Variants in PSIP1 observed in about 807,000 individuals in gnomAD.
PSIP1 encodes the protein PC4 and SFRS1-interacting protein.
In PSIP1, 19 loss-of-function variants were observed where a neutral mutation model predicts 74.7. The ratio of observed to expected loss-of-function variants is 0.25; its 90% CI spans 0.18 to 0.37. The LOEUF (loss-of-function observed/expected upper bound fraction) is 0.37. Among genes scored for constraint, PSIP1 ranks in the 10% least tolerant of loss-of-function variants. PSIP1 has a pLI of 1.00. For synonymous variants in PSIP1, 222 were observed against 195.3 expected, an observed-to-expected ratio of 1.14 and a Z score of -1.14; for missense variants, 601 against 614.3, an observed-to-expected ratio of 0.98 and a Z score of 0.23.
chr9:15,481,346 C>T (rs181373046), intron 6 of PSIP1, among the ~76,000 whole-genome samples: 1 of 152,314 alleles, frequency 6.6e-6, no homozygotes, highest in African/African-American at 2.4e-5. Context: ...GCAAAGAAGA[C>T]TCTCTCCACT....
chr9:15,465,522 A>C lies in PSIP1; in HGVS notation c.1591T>G (p.Ter531GluextTer7). 3 of 1,556,502 alleles carry C rather than the reference A, an allele frequency of 1.9e-6. No homozygotes were observed. In the South Asian group the frequency reaches 3.4e-5, roughly 18 times the overall value. Residue 531 changes from the stop codon to glutamate, a stop_lost, in exon 16 of 16, where the codon TAG becomes GAG. Transcript: ENST00000380733. ...CTCTATATTCCAGGTATGTCAACCT[A>C]GTTATCTAGTGTAGAATCCTTCAGA... is the stretch of plus-strand genomic sequence containing the variant. The part of the protein sequence containing the change: ...ISLKDSTLDN[*>E]
In PSIP1 at chr9:15,506,549, A is replaced by G. The variant is rs1464671326; in HGVS notation, c.149+12T>C. On this transcript the variant is annotated intron_variant, in intron 3 of 15. Transcript: ENST00000380733. Reference sequence around the variant, plus strand: ...TTAGCTCTGATTTGCCTTTAAAGCTAACAGGACTTACGTCTCATGAGTTCC... The same window carrying G: ...TTAGCTCTGATTTGCCTTTAAAGCTGACAGGACTTACGTCTCATGAGTTCC... The G allele has an allele frequency of 1.3e-6, 2 of 1,586,156 alleles. No individual in the cohort carries two copies. Among genetic ancestry groups the G allele is most frequent in the Non-Finnish European group, 1.7e-6 (2 of 1,155,394 alleles).
chr9:15,497,533 T>C (rs1447573680), intron 3 of PSIP1, among the ~76,000 whole-genome samples: 1 of 151,872 alleles, frequency 6.6e-6, no homozygotes, highest in African/African-American at 2.4e-5. Flanking sequence ...CACCATGTTG[T>C]CCAGGCTGGT....
Position 15,465,559 on chromosome 9 carries a change from C to T in PSIP1, c.1554G>A (p.Glu518=), listed in dbSNP as rs755087616. 1 of 1,580,742 alleles carries T rather than the reference C, an allele frequency of 6.3e-7. No homozygotes were observed. Among genetic ancestry groups the T allele is most frequent in the Non-Finnish European group, 8.7e-7 (1 of 1,154,034 alleles). Residue 518 remains glutamate, a synonymous_variant, in exon 16 of 16, where the codon GAG becomes GAA. Coordinates refer to ENST00000380733, the MANE Select transcript of PSIP1 (RefSeq NM_033222.5). Reference sequence around the variant, plus strand: ...TAGAATCCTTCAGAGATATTTCAGTCTCTCTCTCTTCACTGGATGGCCTGA... The same window carrying T: ...TAGAATCCTTCAGAGATATTTCAGTTTCTCTCTCTTCACTGGATGGCCTGA... The part of the protein sequence containing the change: ...TKKKPSSEER[E]TEISLKDSTL...
intron 3 of PSIP1, among the ~76,000 whole-genome samples, chr9:15,492,387 ATCTCCTTTGACTGCATG>A (rs2036871710): frequency 6.6e-6 from 1 of 152,222 alleles, no homozygotes; most frequent in Admixed American, 6.5e-5. Flanking sequence ...TTCCAAAATG[ATCTCCTTTGACTGCATG>A]TCTCAAATTC....
chr9:15,476,520 G>GT (rs2036086683), intron 8 of PSIP1, among the ~76,000 whole-genome samples: 2 of 152,266 alleles, frequency 1.3e-5, no homozygotes, highest in Admixed American at 1.3e-4. Context: ...TTCAAGTGAG[G>GT]ATGTAGGACT....
chr9:15,488,696 C>T (rs2036668290), intron 4 of PSIP1, among the ~76,000 whole-genome samples: 1 of 152,088 alleles, frequency 6.6e-6, no homozygotes, highest in Non-Finnish European at 1.5e-5. Context: ...ACCATCCTGG[C>T]TAACAAGGTG....
At position 15,465,217 on chromosome 9, in the gene PSIP1, A is replaced by C; in HGVS notation, c.*303T>G. 1 of 287,030 alleles carries C rather than the reference A, an allele frequency of 3.5e-6. No homozygotes were observed. The highest frequency in any genetic ancestry group is 5.2e-5 in the Admixed American group (1 of 19,152). 17.8% of individuals were successfully genotyped at this position (287,030 alleles called of 1,614,324 possible). A position where few individuals can be genotyped will look rare whatever the true frequency, so the allele number is the denominator to read the frequency against. ...TTTAAAAATGTAACTTTGTTCTACT[A>C]TCAATTACACATTAACATACACACA... On this transcript the variant is annotated 3_prime_UTR_variant, in exon 16 of 16. Transcript: ENST00000380733.
At chr9:15,480,555 G>A (rs1362601697) in intron 6 of PSIP1, among the ~76,000 whole-genome samples, 1 of 152,192 alleles carries the variant, frequency 6.6e-6, no homozygotes, top group African/African-American at 2.4e-5. Flanking sequence ...TGATCAATAA[G>A]CTGGTATCAA....
intron 4 of PSIP1, among the ~76,000 whole-genome samples, chr9:15,488,649 A>G (rs1249377106): frequency 6.6e-6 from 1 of 152,070 alleles, no homozygotes; most frequent in African/African-American, 2.4e-5. Context: ...CACTTTGGGA[A>G]GCCGAGGTGG....
In PSIP1 at chr9:15,486,071, A is replaced by G. The variant is rs2036546007; in HGVS notation, c.394-3T>C. ...ATGTCAACTGCTTTAGTCACATCCTAAAAAAGAAAAAAGAAAACTGAATAC... is the reference window on the plus strand; with the variant it reads ...ATGTCAACTGCTTTAGTCACATCCTGAAAAAGAAAAAAGAAAACTGAATAC... On this transcript the variant is annotated splice_polypyrimidine_tract_variant and splice_region_variant and intron_variant, in intron 5 of 15. Transcript: ENST00000380733. The G allele has an allele frequency of 6.3e-7, 1 of 1,578,156 alleles. No individual in the cohort carries two copies. The highest frequency in any genetic ancestry group is 1.4e-5 in the African/African-American group (1 of 73,606).
chr9:15,492,428 G>C (rs557581159), intron 3 of PSIP1, among the ~76,000 whole-genome samples: 23 of 152,340 alleles, frequency 1.5e-4, no homozygotes, highest in African/African-American at 4.1e-4. Context: ...TCATGCAAAT[G>C]CAAGAGGTGA....
At chr9:15,474,538 G>T (rs1422569339) in intron 8 of PSIP1, among the ~76,000 whole-genome samples, 1 of 152,078 alleles carries the variant, frequency 6.6e-6, no homozygotes, top group Non-Finnish European at 1.5e-5. Flanking sequence ...AATCAAATAC[G>T]GTCGTTTTAG....
intron 9 of PSIP1, 115 bp from the exon 10 acceptor site, chr9:15,472,865 C>A: frequency 1.1e-6 from 1 of 913,528 alleles, no homozygotes; most frequent in South Asian, 1.5e-5. Context: ...GATGAATACT[C>A]AAATTAGCAA....
chr9:15,499,351 A>C (rs2037224772), intron 3 of PSIP1, among the ~76,000 whole-genome samples: 2 of 152,232 alleles, frequency 1.3e-5, no homozygotes, highest in African/African-American at 4.8e-5. Context: ...TCATTAACTG[A>C]ATTCAATACT....
In PSIP1 at chr9:15,510,314, C is replaced by G; in HGVS notation, c.-126G>C. On this transcript the variant is annotated 5_prime_UTR_variant, in exon 2 of 16. Transcript: ENST00000380733. ...GCGGGCGGGGGAGGATGCCTCGGGG[C>G]GTCCCGACGCGCCTGCTAGGGAGAG... 1 of 540,628 alleles carries G rather than the reference C, an allele frequency of 1.8e-6. No homozygotes were observed. Among genetic ancestry groups the G allele is most frequent in the Non-Finnish European group, 2.9e-6 (1 of 339,030 alleles). 33.5% of individuals were successfully genotyped at this position (540,628 alleles called of 1,614,324 possible). A position where few individuals can be genotyped will look rare whatever the true frequency, so the allele number is the denominator to read the frequency against.
chr9:15,494,236 C>T (rs2036968064), intron 3 of PSIP1, among the ~76,000 whole-genome samples: 1 of 152,048 alleles, frequency 6.6e-6, no homozygotes, highest in African/African-American at 2.4e-5. Flanking sequence ...TTTAAAAAGG[C>T]TCTAAAATAA....
Position 15,467,913 on chromosome 9 carries a change from G to C in PSIP1, c.1420+717C>G, listed in dbSNP as rs374387840. 5.7e-4 allele frequency among the ~76,000 whole-genome samples: 87 copies of C among 152,174 alleles called. 1 individual carries two copies. Among genetic ancestry groups the C allele is most frequent in the African/African-American group, 2.0e-3 (83 of 41,502 alleles). ...CGGCAGGTGGATTACCATAGGTCGG[G>C]AGTTCAAGACCAGCCTGACCAACAT... is the stretch of plus-strand genomic sequence containing the variant. On this transcript the variant is annotated intron_variant, in intron 14 of 15. Transcript: ENST00000380733.
rs2035526279 is a variant in PSIP1, at chr9:15,465,104, GAC to G, written c.*414_*415del. ...CTACAAAACCCACAAACAGTGAAAA[GAC>G]AGTCTGGTAAATCCAAGGTTTGTAA... is the stretch of plus-strand genomic sequence containing the variant. On this transcript the variant is annotated 3_prime_UTR_variant, in exon 16 of 16. Transcript: ENST00000380733. 1 of 230,668 alleles carries G rather than the reference GAC, an allele frequency of 4.3e-6. No homozygotes were observed. The highest frequency in any genetic ancestry group is 5.7e-5 in the Admixed American group (1 of 17,662). 14.3% of individuals were successfully genotyped at this position (230,668 alleles called of 1,614,324 possible). A position where few individuals can be genotyped will look rare whatever the true frequency, so the allele number is the denominator to read the frequency against.
Sources: gnomAD v4.1 joint callset for allele counts (sites outside exome capture counted in the v4.1 genomes callset) on GRCh38, gnomAD v4.1.1 for gene constraint, MANE v1.5 for transcripts, NCBI Gene and HGNC (gene_info 2026-07-23, HGNC 2026-07-21) for gene names.